Variants in CHST15 observed in about 807,000 individuals in gnomAD.
CHST15 encodes carbohydrate sulfotransferase 15, also known as B cell RAG associated protein (GALNAC4S-6ST).
A neutral mutation model predicts 53.6 loss-of-function variants in CHST15; 30 were observed. That is an observed-to-expected ratio of 0.56 (90% CI 0.42 to 0.76). The LOEUF is 0.76. Among genes scored for constraint, CHST15 ranks in the 30% least tolerant of loss-of-function variants. The pLI is 0.00. For missense variants in CHST15, 627 were observed against 740.5 expected (o/e 0.85, Z 1.78); for synonymous variants, 296 against 289.8 (o/e 1.02, Z -0.22).
rs1314623955 is a variant in CHST15, at chr10:124,009,435, G to A, written c.*714C>T. ...GGACAGAATAGGAGGAGGTCAGAAA[G>A]ATGAAGGTGCTGCCAAAAACTGACT... On this transcript the variant is annotated 3_prime_UTR_variant, in exon 8 of 8. Coordinates refer to ENST00000435907, the MANE Select transcript of CHST15 (RefSeq NM_001270764.2). The A allele has an allele frequency of 1.0e-6, 1 of 989,082 alleles. No individual in the cohort carries two copies. The highest frequency in any genetic ancestry group is 1.2e-6 in the Non-Finnish European group (1 of 832,244). 61.3% of individuals were successfully genotyped at this position (989,082 alleles called of 1,614,324 possible).
At chr10:124,016,603 G>A (rs1946592959) in intron 6 of CHST15, among the ~76,000 whole-genome samples, 4 of 152,306 alleles carry the variant, frequency 2.6e-5, no homozygotes, top group African/African-American at 7.2e-5. Flanking sequence ...GCTTTTAGGA[G>A]CCAGCTAGGG....
intron 5 of CHST15, among the ~76,000 whole-genome samples, chr10:124,025,730 G>A (rs190542734): frequency 5.3e-5 from 8 of 152,232 alleles, no homozygotes; most frequent in Admixed American, 2.0e-4. Flanking sequence ...CTGGATTTAC[G>A]GTGGTCCCAA....
At chr10:124,021,036 G>C in intron 6 of CHST15, 1 of 1,431,980 alleles carries the variant, frequency 7.0e-7, no homozygotes, top group Non-Finnish European at 9.1e-7. Flanking sequence ...GGGGGAGGTG[G>C]CAGGTGACCA....
intron 1 of CHST15, among the ~76,000 whole-genome samples, chr10:124,082,398 G>A (rs947346947): frequency 3.3e-5 from 5 of 152,274 alleles, no homozygotes; most frequent in South Asian, 4.1e-4. Context: ...ACGTTCGCCC[G>A]AAGGCCTTTC....
At position 124,036,141 on chromosome 10, in the gene CHST15, C is replaced by T. The variant is rs1947487707; in HGVS notation, c.1190+2374G>A. 2.0e-5 allele frequency among the ~76,000 whole-genome samples: 3 copies of T among 152,168 alleles called. No individual in the cohort carries two copies. Among genetic ancestry groups the T allele is most frequent in the Non-Finnish European group, 2.9e-5 (2 of 68,040 alleles). On this transcript the variant is annotated intron_variant, in intron 5 of 7. Transcript: ENST00000435907. The surrounding 1 kb of genome is among the most constrained non-coding windows in gnomAD (Gnocchi z 5.1). ...TGCGCCCTTCAGCTGGGGGCCGTGTCGGGGAGGGAGGCAGAGCAGCTATGC... is the reference window on the plus strand; with the variant it reads ...TGCGCCCTTCAGCTGGGGGCCGTGTTGGGGAGGGAGGCAGAGCAGCTATGC...
In CHST15 at chr10:124,032,811, GA is replaced by G. The variant is rs11429939; in HGVS notation, c.1190+5703del. On this transcript the variant is annotated intron_variant, in intron 5 of 7. Coordinates refer to ENST00000435907, the MANE Select transcript of CHST15 (RefSeq NM_001270764.2). ...TCCATTATTCCTCTGTTCTCCTCCAGAAAAAAAAAAAAAAAATGGACTTGCC... is the reference window on the plus strand; with the variant it reads ...TCCATTATTCCTCTGTTCTCCTCCAGAAAAAAAAAAAAAAATGGACTTGCC... Among the ~76,000 whole-genome samples, 296 of 135,962 alleles carry G rather than the reference GA, an allele frequency of 2.2e-3. 1 individual carries two copies. The highest frequency in any genetic ancestry group is 7.0e-3 in the African/African-American group (255 of 36,626). The allele number at this position is 135,962 out of a possible 152,430, so 89.2% of individuals were successfully genotyped here. A position where few individuals can be genotyped will look rare whatever the true frequency, so the allele number is the denominator to read the frequency against.
chr10:124,059,585 C>T (rs1229483594), intron 1 of CHST15, among the ~76,000 whole-genome samples: 1 of 152,210 alleles, frequency 6.6e-6, no homozygotes, highest in African/African-American at 2.4e-5. Context: ...AGATGCCCGG[C>T]CCAGATGTCC....
chr10:124,046,528 CA>C lies in CHST15; in HGVS notation c.-317del, dbSNP rs1948010558. ...TGCCCTTCAGGTTTTTCCCATGGCA[CA>C]AAAAAAGGTGGAAGAATTCTCACTG... On this transcript the variant is annotated 5_prime_UTR_variant, in exon 2 of 8. An upstream open reading frame in the 5' UTR loses its in-frame stop. Transcript: ENST00000435907. 9.2e-5 allele frequency: 24 copies of C among 260,230 alleles called. No individual in the cohort carries two copies. The highest frequency in any genetic ancestry group is 1.6e-4 in the Admixed American group (3 of 18,650). The allele number at this position is 260,230 out of a possible 1,614,324, so 16.1% of individuals were successfully genotyped here. A position where few individuals can be genotyped will look rare whatever the true frequency, so the allele number is the denominator to read the frequency against.
At position 124,045,112 on chromosome 10, in the gene CHST15, C is replaced by CAAAAAAAAAAAAAAAAAAAAAAA. The variant is rs758243657; in HGVS notation, c.547-216_547-194dup. 1.8e-3 allele frequency among the ~76,000 whole-genome samples: 61 copies of CAAAAAAAAAAAAAAAAAAAAAAA among 33,742 alleles called. 3 individuals are homozygous for CAAAAAAAAAAAAAAAAAAAAAAA. The highest frequency in any genetic ancestry group is 3.0e-3 in the Non-Finnish European group (43 of 14,570). 22.1% of individuals were successfully genotyped at this position (33,742 alleles called of 152,430 possible). A position where few individuals can be genotyped will look rare whatever the true frequency, so the allele number is the denominator to read the frequency against. ...TGCTTTCCTCTCCCCCGCCGCCCCA[C>CAAAAAAAAAAAAAAAAAAAAAAA]AAAAAAAAAAAAAAAAAAAAAAAAA... On this transcript the variant is annotated intron_variant, in intron 2 of 7. Coordinates refer to ENST00000435907, the MANE Select transcript of CHST15 (RefSeq NM_001270764.2).
intron 1 of CHST15, among the ~76,000 whole-genome samples, chr10:124,065,201 A>C (rs4929794): frequency 0.69 from 104,858 of 151,802 alleles, 36,578 homozygotes; most frequent in African/African-American, 0.78. Context: ...CTGGGCAACA[A>C]GGCAAAACCC....
At chr10:124,064,113 T>C (rs1948678603) in intron 1 of CHST15, among the ~76,000 whole-genome samples, 1 of 152,180 alleles carries the variant, frequency 6.6e-6, no homozygotes, top group African/African-American at 2.4e-5. Flanking sequence ...CTGGAAAGAA[T>C]TCAGGCCTCA....
intron 4 of CHST15, 100 bp from the exon 5 acceptor site, chr10:124,038,771 C>T: frequency 7.8e-7 from 1 of 1,290,108 alleles, no homozygotes; most frequent in Non-Finnish European, 1.1e-6. Context: ...ATGCCTTCCT[C>T]TTAAGCAGCG....
intron 1 of CHST15, among the ~76,000 whole-genome samples, chr10:124,052,536 A>T (rs1424173238): frequency 6.6e-6 from 1 of 152,212 alleles, no homozygotes; most frequent in Non-Finnish European, 1.5e-5. Context: ...TTTTCAAAAG[A>T]AGTCCCCGCT....
intron 4 of CHST15, among the ~76,000 whole-genome samples, chr10:124,041,258 T>A (rs918343154): frequency 5.9e-5 from 9 of 152,262 alleles, no homozygotes; most frequent in Non-Finnish European, 4.4e-5. Context: ...TAGATTTATT[T>A]AATTTGGAGA....
chr10:124,053,849 G>A (rs1037635662), intron 1 of CHST15, among the ~76,000 whole-genome samples: 1 of 152,042 alleles, frequency 6.6e-6, no homozygotes, highest in African/African-American at 2.4e-5. Context: ...GCCTGGGGAG[G>A]TTGAGGCTAC....
Position 124,085,175 on chromosome 10 carries a change from T to C in CHST15, c.-513+8294A>G, listed in dbSNP as rs555033529. Among the ~76,000 whole-genome samples, 5 of 152,332 alleles carry C rather than the reference T, an allele frequency of 3.3e-5. No individual in the cohort carries two copies. In the South Asian group the frequency reaches 6.2e-4, roughly 19 times the overall value. On this transcript the variant is annotated intron_variant, in intron 1 of 7. Coordinates refer to ENST00000435907, the MANE Select transcript of CHST15 (RefSeq NM_001270764.2). ...GTCCCTAAAAATACATGCCAGGACA[T>C]ACTTTATATTTTTAATGCAAATATT...
At chr10:124,059,559 G>A (rs911334461) in intron 1 of CHST15, among the ~76,000 whole-genome samples, 3 of 152,208 alleles carry the variant, frequency 2.0e-5, no homozygotes, top group Non-Finnish European at 2.9e-5. Context: ...GAGTGAAAAG[G>A]CTGCAGGACA....
At chr10:124,059,325 T>A in intron 1 of CHST15, among the ~76,000 whole-genome samples, 1 of 152,304 alleles carries the variant, frequency 6.6e-6, no homozygotes, top group East Asian at 1.9e-4. Flanking sequence ...ATTTTCAGAA[T>A]AGGGGTCATT....
chr10:124,049,168 G>A (rs549844592), intron 1 of CHST15, among the ~76,000 whole-genome samples: 1 of 152,216 alleles, frequency 6.6e-6, no homozygotes, highest in Non-Finnish European at 1.5e-5. Context: ...ACAGCTGAGT[G>A]TTGCGCATGT....
Sources: allele counts gnomAD v4.1 joint callset (sites outside exome capture counted in the v4.1 genomes callset), GRCh38; gene constraint gnomAD v4.1.1; non-coding constraint Gnocchi (gnomAD v3.1); transcripts MANE v1.5; gene names NCBI Gene and HGNC (gene_info 2026-07-23, HGNC 2026-07-21).